Variants in MTHFD2L observed in about 807,000 individuals in gnomAD.
The protein encoded by MTHFD2L is methylenetetrahydrofolate dehydrogenase (NADP+ dependent) 2 like.
In MTHFD2L, 29 loss-of-function variants were observed where a neutral mutation model predicts 34.9. The ratio of observed to expected loss-of-function variants is 0.83; its 90% CI spans 0.62 to 1.13. The LOEUF is 1.13. Ranked by LOEUF, MTHFD2L falls within the 50% of genes most tolerant of loss-of-function variation. The pLI, the probability that MTHFD2L is intolerant of heterozygous loss-of-function variation, is 0.00. For synonymous variants in MTHFD2L, 167 were observed against 155.7 expected, an observed-to-expected ratio of 1.07 and a Z score of -0.54; for missense variants, 481 against 446.5, an observed-to-expected ratio of 1.08 and a Z score of -0.70.
chr4:74,269,706 A>C (rs1347975845), intron 6 of MTHFD2L, among the ~76,000 whole-genome samples: 1 of 152,168 alleles, frequency 6.6e-6, no homozygotes, highest in Non-Finnish European at 1.5e-5. Context: ...CTGATTTTCT[A>C]TCTTCTGAAA....
intron 1 of MTHFD2L, among the ~76,000 whole-genome samples, chr4:74,158,842 T>C (rs1578279625): frequency 6.6e-6 from 1 of 152,302 alleles, no homozygotes; most frequent in South Asian, 2.1e-4. Context: ...TTAGATTCAT[T>C]ACATGTCTTG....
In MTHFD2L at chr4:74,207,400, G is replaced by T. The variant is rs539933070; in HGVS notation, c.712+6030G>T. 2.2e-4 allele frequency among the ~76,000 whole-genome samples: 33 copies of T among 152,260 alleles called. 2 individuals carry two copies. In the South Asian group the frequency reaches 6.6e-3, roughly 31 times the overall value. ...TTTTGACAGGGCCAGCAACCAGCTG[G>T]TTTTGCTTAGAGTCCAGTGGGTCTG... On this transcript the variant is annotated intron_variant, in intron 5 of 7. Transcript: ENST00000325278.
chr4:74,114,707 C>A (rs1560395913), intron 2 of MTHFD2L: 1 of 152,134 alleles, frequency 6.6e-6, no homozygotes, highest in Non-Finnish European at 1.5e-5. Context: ...TATGAAAGCT[C>A]CAAACTCTCT....
intron 6 of MTHFD2L, among the ~76,000 whole-genome samples, chr4:74,233,207 T>TA (rs1740344100): frequency 1.3e-5 from 2 of 152,170 alleles, no homozygotes; most frequent in Admixed American, 1.3e-4. Context: ...CCAGGCCTGT[T>TA]ACCATTACCA....
intron 6 of MTHFD2L, among the ~76,000 whole-genome samples, chr4:74,256,433 G>A (rs1034950032): frequency 3.9e-5 from 6 of 151,962 alleles, no homozygotes; most frequent in African/African-American, 9.7e-5. Context: ...TTTTTGTTGC[G>A]ATTGCTTTTG....
At chr4:74,126,218 A>G (rs544957122) in intron 1 of MTHFD2L, among the ~76,000 whole-genome samples, 33 of 152,332 alleles carry the variant, frequency 2.2e-4, no homozygotes, top group African/African-American at 7.2e-4. Context: ...ATTATAACTT[A>G]TTTGATAGAA....
At chr4:74,292,222 A>G (rs1382487795) in intron 7 of MTHFD2L, among the ~76,000 whole-genome samples, 1 of 152,214 alleles carries the variant, frequency 6.6e-6, no homozygotes, top group Non-Finnish European at 1.5e-5. Flanking sequence ...TTGAAATCAA[A>G]TCAACTTCTA....
intron 6 of MTHFD2L, among the ~76,000 whole-genome samples, chr4:74,253,364 A>G (rs932143098): frequency 6.6e-6 from 1 of 151,800 alleles, no homozygotes; most frequent in Non-Finnish European, 1.5e-5. Flanking sequence ...CAGAAACATG[A>G]ATTTGAACAA....
At chr4:74,259,294 G>A (rs992730313) in intron 6 of MTHFD2L, among the ~76,000 whole-genome samples, 2 of 152,118 alleles carry the variant, frequency 1.3e-5, no homozygotes, top group Non-Finnish European at 2.9e-5. Context: ...CCACTCATAG[G>A]GTAGAAGTTA....
chr4:74,203,148 T>C (rs1216038412), intron 5 of MTHFD2L, among the ~76,000 whole-genome samples: 1 of 152,116 alleles, frequency 6.6e-6, no homozygotes, highest in Non-Finnish European at 1.5e-5. Context: ...TCAATACATA[T>C]ATATATGTGA....
intron 6 of MTHFD2L, among the ~76,000 whole-genome samples, chr4:74,255,803 A>G (rs540230233): frequency 6.6e-6 from 1 of 152,294 alleles, no homozygotes; most frequent in African/African-American, 2.4e-5. Flanking sequence ...CTAAAGCTCT[A>G]TCCATATTGC....
intron 5 of MTHFD2L, among the ~76,000 whole-genome samples, chr4:74,219,333 T>C (rs1737747828): frequency 6.6e-6 from 1 of 152,072 alleles, no homozygotes; most frequent in African/African-American, 2.4e-5. Flanking sequence ...TGATAGAAAA[T>C]GAGGCCCTAG....
chr4:74,176,535 A>G (rs765083328), intron 3 of MTHFD2L, among the ~76,000 whole-genome samples: 17 of 151,994 alleles, frequency 1.1e-4, no homozygotes, highest in South Asian at 2.1e-4. Flanking sequence ...AAACATGGAG[A>G]AAACAACACT....
chr4:74,263,099 G>A (rs1744877326), intron 6 of MTHFD2L, among the ~76,000 whole-genome samples: 2 of 151,814 alleles, frequency 1.3e-5, no homozygotes, highest in Admixed American at 1.3e-4. Flanking sequence ...ATATATATAT[G>A]TGTATATATG....
intron 6 of MTHFD2L, among the ~76,000 whole-genome samples, chr4:74,237,738 A>C (rs577880187): frequency 6.6e-6 from 1 of 152,286 alleles, no homozygotes; most frequent in Admixed American, 6.5e-5. Flanking sequence ...ATTCTCTTTC[A>C]TACCTTGTTT....
chr4:74,196,602 T>C (rs1408359339), intron 3 of MTHFD2L, among the ~76,000 whole-genome samples: 1 of 152,206 alleles, frequency 6.6e-6, no homozygotes, highest in African/African-American at 2.4e-5. Context: ...TTCCTTTTTT[T>C]TTCTGTTCAT....
At chr4:74,225,450 C>A in intron 6 of MTHFD2L, 56 bp downstream of exon 6, 1 of 1,388,546 alleles carries the variant, frequency 7.2e-7, no homozygotes, top group Non-Finnish European at 1.0e-6. Flanking sequence ...TAATTCCTGC[C>A]CTAAATGCTG....
intron 7 of MTHFD2L, among the ~76,000 whole-genome samples, chr4:74,299,500 G>A (rs962438736): frequency 5.3e-5 from 8 of 151,898 alleles, no homozygotes; most frequent in Non-Finnish European, 1.0e-4. Context: ...TTGAGAAAAG[G>A]TCCTGGAAGG....
chr4:74,158,226 A>G lies in MTHFD2L; in HGVS notation c.88A>G (p.Arg30Gly), dbSNP rs1281722471. 1.3e-6 allele frequency: 2 copies of G among 1,506,252 alleles called. No homozygotes were observed. The highest frequency in any genetic ancestry group is 2.5e-5 in the East Asian group (1 of 40,162). The allele number at this position is 1,506,252 out of a possible 1,614,324, so 93.3% of individuals were successfully genotyped here. Reference sequence around the variant, plus strand: ...GGGCAGAAGCACAGCACCCTCCGTAAGGGCACCGGGAGAGCCCGGGAGTGC... The same window carrying G: ...GGGCAGAAGCACAGCACCCTCCGTAGGGGCACCGGGAGAGCCCGGGAGTGC... ...ALGRSTAPSV[R>G]APGEPGSAFR... Residue 30 changes from arginine (R) to glycine (G), a missense_variant, in exon 1 of 8, where the codon AGG becomes GGG. Arg to Gly is a moderately radical substitution (Grantham distance 125). Transcript: ENST00000325278.
Sources: allele counts gnomAD v4.1 joint callset (sites outside exome capture counted in the v4.1 genomes callset), GRCh38; gene constraint gnomAD v4.1.1; transcripts MANE v1.5; gene names NCBI Gene and HGNC (gene_info 2026-07-23, HGNC 2026-07-21).